BPNT2: variants seen among roughly 807,000 people sequenced by gnomAD.
The protein encoded by BPNT2 is 3'(2'), 5'-bisphosphate nucleotidase 2, also known as Golgi-resident adenosine 3',5'-bisphosphate 3'-phosphatase.
Under a neutral mutation model 29.3 loss-of-function variants are expected in BPNT2, and 11 were observed. That is an observed-to-expected ratio of 0.38 (90% CI 0.24 to 0.62). The LOEUF is 0.62. BPNT2 is among the 20% of genes least tolerant of loss of function. The pLI, the probability that BPNT2 is intolerant of heterozygous loss-of-function variation, is 0.62. For synonymous variants in BPNT2, 195 were observed against 187.7 expected, an observed-to-expected ratio of 1.04 and a Z score of -0.32; for missense variants, 459 against 473.4, an observed-to-expected ratio of 0.97 and a Z score of 0.28.
At chr8:56,978,523 G>A (rs1363660443) in intron 2 of BPNT2, among the ~76,000 whole-genome samples, 1 of 151,998 alleles carries the variant, frequency 6.6e-6, no homozygotes, top group Non-Finnish European at 1.5e-5. Context: ...AATACTATTC[G>A]ACCCAGCATT....
intron 3 of BPNT2, among the ~76,000 whole-genome samples, chr8:56,970,166 G>A (rs1322614603): frequency 1.3e-5 from 2 of 152,092 alleles, no homozygotes; most frequent in East Asian, 1.9e-4. Flanking sequence ...TTACTTGCTA[G>A]TAGCAAAAAA....
At position 56,961,212 on chromosome 8, in the gene BPNT2, T is replaced by C. The variant is rs549076597; in HGVS notation, c.*2581A>G. 3.3e-5 allele frequency: 5 copies of C among 152,210 alleles called. No individual in the cohort carries two copies. The highest frequency in any genetic ancestry group is 7.4e-5 in the Non-Finnish European group (5 of 67,998). 9.4% of individuals were successfully genotyped at this position (152,210 alleles called of 1,614,324 possible). ...AAGAAAAGACCAGGAGCTGGTGAGGTGTGGGTCATTAAAAGCAAAAGGTAA... is the reference window on the plus strand; with the variant it reads ...AAGAAAAGACCAGGAGCTGGTGAGGCGTGGGTCATTAAAAGCAAAAGGTAA... On this transcript the variant is annotated 3_prime_UTR_variant, in exon 5 of 5. Transcript: ENST00000262644.
chr8:56,984,562 C>G (rs1189348976), intron 1 of BPNT2, among the ~76,000 whole-genome samples: 1 of 152,178 alleles, frequency 6.6e-6, no homozygotes, highest in African/African-American at 2.4e-5. Flanking sequence ...TACAATAGTC[C>G]TCAATTGTTC....
Position 56,975,754 on chromosome 8 carries a change from C to T in BPNT2, c.646+2296G>A, listed in dbSNP as rs559881702. Among the ~76,000 whole-genome samples the T allele has an allele frequency of 2.6e-5, 4 of 152,070 alleles. 1 individual carries two copies. The highest frequency in any genetic ancestry group is 9.6e-5 in the African/African-American group (4 of 41,484). On this transcript the variant is annotated intron_variant, in intron 3 of 4. Transcript: ENST00000262644. ...TAAGTATACTGCAAATTGTTAAACA[C>T]GATATAAATGTTAGAAATTATGGAG...
At chr8:56,980,819 TACACACACACACAC>T (rs71258552) in intron 1 of BPNT2, among the ~76,000 whole-genome samples, 24 of 141,508 alleles carry the variant, frequency 1.7e-4, no homozygotes, top group Non-Finnish European at 3.5e-4. Context: ...TACATACATA[TACACACACACACAC>T]ACACACACAC....
chr8:56,970,741 T>C (rs998825182), intron 3 of BPNT2, among the ~76,000 whole-genome samples: 5 of 152,192 alleles, frequency 3.3e-5, no homozygotes, highest in African/African-American at 1.2e-4. Flanking sequence ...AAAATGTTTA[T>C]TATGATCCTT....
At position 56,978,158 on chromosome 8, in the gene BPNT2, AAAC is replaced by A. The variant is rs1806176951; in HGVS notation, c.551-16_551-14del. The stretch of plus-strand genomic sequence containing the variant: ...TTTCGAAGATCCTCTATGAGAAAAA[AAAC>A]AAAACAACACACACAAATGTCAAAG... On this transcript the variant is annotated splice_polypyrimidine_tract_variant and intron_variant, in intron 2 of 4. Transcript: ENST00000262644. 16 of 1,487,406 alleles carry A rather than the reference AAAC, an allele frequency of 1.1e-5. No homozygotes were observed. The highest frequency in any genetic ancestry group is 1.4e-5 in the Non-Finnish European group (15 of 1,066,314). 92.1% of individuals were successfully genotyped at this position (1,487,406 alleles called of 1,614,324 possible).
intron 3 of BPNT2, among the ~76,000 whole-genome samples, chr8:56,974,908 A>C (rs925485369): frequency 3.3e-5 from 5 of 152,168 alleles, no homozygotes; most frequent in African/African-American, 1.2e-4. Context: ...ACAGATGTGG[A>C]AATCAATGCC....
intron 1 of BPNT2, among the ~76,000 whole-genome samples, chr8:56,985,321 TC>T (rs1366562970): frequency 1.3e-5 from 2 of 152,054 alleles, no homozygotes; most frequent in African/African-American, 4.8e-5. Flanking sequence ...TTTCATTTCT[TC>T]CCCATAATCC....
chr8:56,982,234 C>T (rs763786128), intron 1 of BPNT2, among the ~76,000 whole-genome samples: 5 of 151,784 alleles, frequency 3.3e-5, no homozygotes, highest in Non-Finnish European at 7.4e-5. Context: ...AGTGATTCTC[C>T]TGCCTCAGCC....
intron 3 of BPNT2, 31 bp downstream of exon 3, chr8:56,978,019 T>C (rs780853539): frequency 7.8e-7 from 1 of 1,274,656 alleles, no homozygotes; most frequent in Admixed American, 1.7e-5. Flanking sequence ...TCAATAACAA[T>C]AATTCTTGAA....
At chr8:56,965,779 G>C (rs1194861373) in intron 4 of BPNT2, among the ~76,000 whole-genome samples, 1 of 152,168 alleles carries the variant, frequency 6.6e-6, no homozygotes, top group Admixed American at 6.5e-5. Flanking sequence ...AAGTGACTCA[G>C]GGATTAGCCT....
At chr8:56,978,180 G>T (rs1806177609) in intron 2 of BPNT2, 35 bp from the exon 3 acceptor site, 1 of 1,277,670 alleles carries the variant, frequency 7.8e-7, no homozygotes. Flanking sequence ...ACACACAAAT[G>T]TCAAAGTAAT....
intron 1 of BPNT2, among the ~76,000 whole-genome samples, chr8:56,991,160 T>TA (rs1806410588): frequency 6.6e-6 from 1 of 152,156 alleles, no homozygotes; most frequent in Non-Finnish European, 1.5e-5. Flanking sequence ...AACACAGGGG[T>TA]ATAAGGAGAT....
At chr8:56,990,711 CT>C (rs1806403550) in intron 1 of BPNT2, among the ~76,000 whole-genome samples, 1 of 152,060 alleles carries the variant, frequency 6.6e-6, no homozygotes, top group African/African-American at 2.4e-5. Context: ...CATCCCACCC[CT>C]GGTTGTGACA....
chr8:56,967,938 T>C (rs935256806), intron 3 of BPNT2, among the ~76,000 whole-genome samples: 2 of 152,036 alleles, frequency 1.3e-5, no homozygotes, highest in African/African-American at 4.8e-5. Flanking sequence ...CCACCAACCT[T>C]CCATTAATCC....
In BPNT2 at chr8:56,993,805, G is replaced by A. The variant is rs1265179430; in HGVS notation, c.-220C>T. 3 of 494,352 alleles carry A rather than the reference G, an allele frequency of 6.1e-6. No homozygotes were observed. Among genetic ancestry groups the A allele is most frequent in the Non-Finnish European group, 7.9e-6 (3 of 378,952 alleles). The allele number at this position is 494,352 out of a possible 1,614,324, so 30.6% of individuals were successfully genotyped here. On this transcript the variant is annotated 5_prime_UTR_variant, in exon 1 of 5. Coordinates refer to ENST00000262644, the MANE Select transcript of BPNT2 (RefSeq NM_017813.5). ...CCGCGCGCCTGACTCGCCAGGCAGC[G>A]CGCTCTAGGTTCTTCCGCCGGCCGG... is the stretch of plus-strand genomic sequence containing the variant.
chr8:56,991,201 A>G (rs1208550272), intron 1 of BPNT2, among the ~76,000 whole-genome samples: 2 of 152,246 alleles, frequency 1.3e-5, no homozygotes, highest in African/African-American at 4.8e-5. Context: ...CTACTTTGAC[A>G]CTGTATAAAT....
chr8:56,984,347 A>C (rs898708387), intron 1 of BPNT2, among the ~76,000 whole-genome samples: 1 of 152,176 alleles, frequency 6.6e-6, no homozygotes, highest in Non-Finnish European at 1.5e-5. Context: ...CATACCTACA[A>C]ATCTGAAAAA....
Sources: gnomAD v4.1 joint callset for allele counts (sites outside exome capture counted in the v4.1 genomes callset) on GRCh38, gnomAD v4.1.1 for gene constraint, MANE v1.5 for transcripts, NCBI Gene and HGNC (gene_info 2026-07-23, HGNC 2026-07-21) for gene names.